TRHDE: variants seen among roughly 807,000 people sequenced by gnomAD.
TRHDE encodes thyrotropin-releasing hormone-degrading ectoenzyme.
A neutral mutation model predicts 125.7 loss-of-function variants in TRHDE; 72 were observed. The ratio of observed to expected loss-of-function variants is 0.57; its 90% confidence interval spans 0.47 to 0.70. The LOEUF is 0.70. Among genes scored for constraint, TRHDE ranks in the 30% least tolerant of loss-of-function variants. The pLI, the probability that TRHDE is intolerant of heterozygous loss-of-function variation, is 0.00. For synonymous variants in TRHDE, 509 were observed against 509.1 expected, an observed-to-expected ratio of 1.00 and a Z score of 0.00; for missense variants, 1,110 against 1,327.1, an observed-to-expected ratio of 0.84 and a Z score of 2.54.
chr12:72,647,228 T>A (rs952837998), intron 15 of TRHDE, among the ~76,000 whole-genome samples: 1 of 151,514 alleles, frequency 6.6e-6, no homozygotes, highest in Admixed American at 6.6e-5. Flanking sequence ...AACAATTGAG[T>A]CAAGAAGAAA....
chr12:72,206,344 C>A (rs529480810), intron 2 of TRHDE, among the ~76,000 whole-genome samples: 1 of 152,104 alleles, frequency 6.6e-6, no homozygotes, highest in South Asian at 2.1e-4. Context: ...CCGCCTGCCT[C>A]GACCTTCCAA....
At chr12:72,388,957 T>A (rs115365700) in intron 3 of TRHDE, among the ~76,000 whole-genome samples, 1,719 of 151,872 alleles carry the variant, frequency 0.011, 29 homozygotes, top group African/African-American at 0.04. Context: ...GACAAACATC[T>A]ATTGAATATC....
chr12:72,652,145 C>T (rs1874531617), intron 15 of TRHDE, among the ~76,000 whole-genome samples, 177 bp from the exon 16 acceptor site: 1 of 151,942 alleles, frequency 6.6e-6, no homozygotes, highest in South Asian at 2.1e-4. Context: ...TTTTATTCAT[C>T]CAGTGAGAAA....
At chr12:72,352,799 CT>C (rs1204977544) in intron 2 of TRHDE, among the ~76,000 whole-genome samples, 3 of 151,692 alleles carry the variant, frequency 2.0e-5, no homozygotes, top group Non-Finnish European at 4.4e-5. Flanking sequence ...TAACTATGGC[CT>C]TTTAACAATG....
chr12:72,343,657 C>T (rs1870183375), intron 2 of TRHDE, among the ~76,000 whole-genome samples: 1 of 151,968 alleles, frequency 6.6e-6, no homozygotes, highest in African/African-American at 2.4e-5. Flanking sequence ...TTAAATCATT[C>T]ATAACTGATG....
At chr12:72,247,875 A>C (rs941980525) in intron 2 of TRHDE, among the ~76,000 whole-genome samples, 2 of 152,162 alleles carry the variant, frequency 1.3e-5, no homozygotes, top group African/African-American at 4.8e-5. Context: ...CTATCCATTC[A>C]TCTATGTATC....
At chr12:72,393,689 T>G (rs1365169685) in intron 3 of TRHDE, among the ~76,000 whole-genome samples, 1 of 152,200 alleles carries the variant, frequency 6.6e-6, no homozygotes, top group Non-Finnish European at 1.5e-5. Context: ...CTGATCCTTA[T>G]TCTTGGATGG....
At chr12:72,243,996 T>C (rs1878529212) in intron 2 of TRHDE, among the ~76,000 whole-genome samples, 1 of 152,248 alleles carries the variant, frequency 6.6e-6, no homozygotes, top group African/African-American at 2.4e-5. Context: ...TAACATATAG[T>C]CCTACCCTGC....
chr12:72,331,598 G>A (rs1384659373), intron 2 of TRHDE, among the ~76,000 whole-genome samples: 2 of 152,160 alleles, frequency 1.3e-5, no homozygotes, highest in Admixed American at 6.5e-5. Flanking sequence ...GAGCAAGCTG[G>A]GCGAGACTTC....
At chr12:72,313,330 C>A (rs1868638986) in intron 2 of TRHDE, among the ~76,000 whole-genome samples, 1 of 151,772 alleles carries the variant, frequency 6.6e-6, no homozygotes, top group African/African-American at 2.4e-5. Context: ...CATATTAATA[C>A]AAGTGTTTTT....
chr12:72,240,860 C>T (rs1878463927), intron 2 of TRHDE, among the ~76,000 whole-genome samples: 1 of 152,198 alleles, frequency 6.6e-6, no homozygotes, highest in African/African-American at 2.4e-5. Context: ...GCATGAGCCA[C>T]CGCGCCTGGC....
chr12:72,229,076 A>G (rs551239301), intron 2 of TRHDE, among the ~76,000 whole-genome samples: 21 of 152,242 alleles, frequency 1.4e-4, no homozygotes, highest in African/African-American at 3.9e-4. Flanking sequence ...CTGTTACCCA[A>G]TTCCAAAGTT....
intron 5 of TRHDE, among the ~76,000 whole-genome samples, chr12:72,488,907 G>A (rs955632409): frequency 2.0e-5 from 3 of 151,708 alleles, no homozygotes; most frequent in African/African-American, 7.2e-5. Flanking sequence ...ACAACCAATG[G>A]GGCAAAGAAG....
intron 2 of TRHDE, among the ~76,000 whole-genome samples, chr12:72,110,421 CT>C (rs536118705): frequency 3.1e-4 from 45 of 147,486 alleles, no homozygotes; most frequent in African/African-American, 3.0e-4. Context: ...CAAAATTCAC[CT>C]TTTTTTTTTA....
At chr12:72,374,172 C>A (rs1398624773) in intron 2 of TRHDE, among the ~76,000 whole-genome samples, 1 of 151,772 alleles carries the variant, frequency 6.6e-6, no homozygotes, top group African/African-American at 2.4e-5. Context: ...ACTAACTGAA[C>A]ATGGAGTGTG....
At chr12:72,393,916 T>C (rs1872696488) in intron 3 of TRHDE, among the ~76,000 whole-genome samples, 1 of 152,162 alleles carries the variant, frequency 6.6e-6, no homozygotes, top group South Asian at 2.1e-4. Flanking sequence ...AATATATCAA[T>C]CCAACTCTCA....
At chr12:72,279,945 A>G (rs1354247535) in intron 1 of TRHDE, among the ~76,000 whole-genome samples, 1 of 152,212 alleles carries the variant, frequency 6.6e-6, no homozygotes, top group Non-Finnish European at 1.5e-5. Flanking sequence ...ATAGACAAAG[A>G]AAGTAGTTCA....
At chr12:72,589,173 T>C (rs1871566768) in intron 12 of TRHDE, among the ~76,000 whole-genome samples, 1 of 152,122 alleles carries the variant, frequency 6.6e-6, no homozygotes, top group Non-Finnish European at 1.5e-5. Flanking sequence ...GGTTCACATA[T>C]CATAGTTGAG....
intron 7 of TRHDE, among the ~76,000 whole-genome samples, chr12:72,557,190 G>A: frequency 6.6e-6 from 1 of 152,130 alleles, no homozygotes; most frequent in East Asian, 1.9e-4. Flanking sequence ...AGAATTTGAG[G>A]GGAAGTTTTC....
Sources: allele counts gnomAD v4.1 joint callset (sites outside exome capture counted in the v4.1 genomes callset), GRCh38; gene constraint gnomAD v4.1.1; transcripts MANE v1.5; gene names NCBI Gene and HGNC (gene_info 2026-07-23, HGNC 2026-07-21).